Variants in CTNNA1 observed in about 807,000 individuals in gnomAD.
CTNNA1 encodes catenin alpha-1.
A neutral mutation model predicts 98.4 loss-of-function variants in CTNNA1; 37 were observed. The ratio of observed to expected loss-of-function variants is 0.38; its 90% CI spans 0.29 to 0.49. The LOEUF is 0.49. Among genes scored for constraint, CTNNA1 ranks in the 20% least tolerant of loss-of-function variants. The pLI, the probability that CTNNA1 is intolerant of heterozygous loss-of-function variation, is 0.95. For synonymous variants in CTNNA1, 404 were observed against 413.2 expected (o/e 0.98, Z 0.27); for missense variants, 761 against 1,147.2 (o/e 0.66, Z 4.86).
intron 1 of CTNNA1, among the ~76,000 whole-genome samples, chr5:138,767,098 G>A (rs1753018497): frequency 6.6e-6 from 1 of 151,832 alleles, no homozygotes; most frequent in Non-Finnish European, 1.5e-5. Context: ...GTGCAGTGGC[G>A]TGATCTTGGC....
At chr5:138,789,453 GT>G (rs1756103009) in intron 3 of CTNNA1, among the ~76,000 whole-genome samples, 4 of 152,008 alleles carry the variant, frequency 2.6e-5, no homozygotes, top group African/African-American at 9.7e-5. Context: ...GGCAGGAGAG[GT>G]TTTTGTTTTG....
At chr5:138,799,352 G>GT (rs1206950032) in intron 3 of CTNNA1, among the ~76,000 whole-genome samples, 2 of 152,142 alleles carry the variant, frequency 1.3e-5, no homozygotes, top group Non-Finnish European at 2.9e-5. Flanking sequence ...TAGAGATGGG[G>GT]TTTTGCCATG....
intron 1 of CTNNA1, among the ~76,000 whole-genome samples, chr5:138,774,930 A>T (rs914362191): frequency 2.6e-5 from 4 of 152,162 alleles, no homozygotes; most frequent in Admixed American, 6.5e-5. Flanking sequence ...TTTTAAGTTA[A>T]GAAGTAAGTG....
At chr5:138,799,557 G>A (rs1271570825) in intron 3 of CTNNA1, among the ~76,000 whole-genome samples, 2 of 151,766 alleles carry the variant, frequency 1.3e-5, no homozygotes, top group African/African-American at 2.4e-5. Flanking sequence ...AAGGTTTTGA[G>A]CATGGGTTCT....
chr5:138,840,914 T>C (rs557250396), intron 7 of CTNNA1, among the ~76,000 whole-genome samples: 15 of 152,308 alleles, frequency 9.8e-5, no homozygotes, highest in African/African-American at 3.6e-4. Context: ...TCATTAAATA[T>C]AGTTACATAA....
At chr5:138,841,087 C>G (rs1054868829) in intron 7 of CTNNA1, among the ~76,000 whole-genome samples, 2 of 152,070 alleles carry the variant, frequency 1.3e-5, no homozygotes, top group Non-Finnish European at 1.5e-5. Context: ...AGTCATAATG[C>G]CAACTTAGAA....
chr5:138,799,857 G>GATGGATGGATGT (rs151142176), intron 3 of CTNNA1, among the ~76,000 whole-genome samples: 1 of 149,132 alleles, frequency 6.7e-6, no homozygotes, highest in African/African-American at 2.5e-5. Context: ...AGTAGATGTA[G>GATGGATGGATGT]ATGTATGTAT....
chr5:138,863,798 T>C (rs930883527), intron 7 of CTNNA1, among the ~76,000 whole-genome samples: 2 of 152,100 alleles, frequency 1.3e-5, no homozygotes, highest in African/African-American at 4.8e-5. Context: ...GGAGACTAGG[T>C]TTTTAAAGAT....
intron 17 of CTNNA1, 110 bp from the exon 18 acceptor site, chr5:138,933,686 TGCCCAG>T: frequency 1.9e-6 from 2 of 1,078,104 alleles, no homozygotes; most frequent in East Asian, 2.6e-5. Flanking sequence ...CTCTGCGACC[TGCCCAG>T]GCCCTGGTCT....
chr5:138,876,091 C>G (rs1384113914), intron 7 of CTNNA1, among the ~76,000 whole-genome samples: 2 of 152,212 alleles, frequency 1.3e-5, no homozygotes, highest in Admixed American at 6.5e-5. Context: ...TTGATACAGT[C>G]ATTTTAATGC....
In CTNNA1 at chr5:138,908,134, C is replaced by T. The variant is rs903458957; in HGVS notation, c.1389+3693C>T. 4.6e-5 allele frequency among the ~76,000 whole-genome samples: 7 copies of T among 152,108 alleles called. No homozygotes were observed. In the East Asian group the frequency reaches 9.6e-4, roughly 21 times the overall value. On this transcript the variant is annotated intron_variant, in intron 10 of 17. Transcript: ENST00000302763. The stretch of plus-strand genomic sequence containing the variant: ...CCAGGACTACAGGTGCCTGCCACCA[C>T]GCCCGGCTAATTTTTGTATTTTTTA...
At position 138,930,637 on chromosome 5, in the gene CTNNA1, G is replaced by T; in HGVS notation, c.2175G>T (p.Glu725Asp). The T allele has an allele frequency of 6.2e-7, 1 of 1,613,288 alleles. No individual in the cohort carries two copies. The highest frequency in any genetic ancestry group is 8.5e-7 in the Non-Finnish European group (1 of 1,179,560). Residue 725 changes from glutamate (E) to aspartate (D), a missense_variant, in exon 15 of 18, where the codon GAG (glutamate) becomes GAT (aspartate). This residue lies in a region of CTNNA1 where 77 missense variants were observed against 198.8 expected (regional missense o/e 0.39). Transcript: ENST00000302763. ...AGCAGATGTGCATGATTATGATGGA[G>T]ATGACAGACTTTACCCGGTGAGCAG... ...LAKQMCMIMMEMTDFTRGKGP... is the reference protein window; with the variant it reads ...LAKQMCMIMMDMTDFTRGKGP...
intron 7 of CTNNA1, among the ~76,000 whole-genome samples, chr5:138,835,249 C>G (rs1024339478): frequency 6.6e-6 from 1 of 152,178 alleles, no homozygotes; most frequent in African/African-American, 2.4e-5. Context: ...TTAGCTTGGG[C>G]TCAGAGGCCT....
chr5:138,836,442 C>T (rs1229562987), intron 7 of CTNNA1, among the ~76,000 whole-genome samples: 3 of 152,204 alleles, frequency 2.0e-5, no homozygotes, highest in Admixed American at 2.0e-4. Flanking sequence ...ATCTTCATAA[C>T]TCTGAGAAAG....
In CTNNA1 at chr5:138,874,452, T is replaced by G; in HGVS notation, c.1063-11760T>G. ...AAGAGCAGCTTCTCGCAGCGGCATT[T>G]GGGTGGACACGCCATACCCAGGGCA... On this transcript the variant is annotated intron_variant, in intron 7 of 17. Transcript: ENST00000302763. This position sits in a 1 kb window ranked among gnomAD's most constrained non-coding sequence, Gnocchi z 4.1. The G allele has an allele frequency of 1.2e-6, 2 of 1,613,754 alleles. No homozygotes were observed. The highest frequency in any genetic ancestry group is 1.7e-6 in the Non-Finnish European group (2 of 1,179,790).
intron 3 of CTNNA1, 142 bp from the exon 4 acceptor site, chr5:138,809,896 C>A: frequency 8.3e-7 from 1 of 1,199,042 alleles, no homozygotes; most frequent in Non-Finnish European, 1.1e-6. Flanking sequence ...AAAGGAACAG[C>A]AAACAACAAC....
intron 1 of CTNNA1, among the ~76,000 whole-genome samples, chr5:138,776,622 C>G (rs890671858): frequency 1.3e-5 from 2 of 151,854 alleles, no homozygotes; most frequent in African/African-American, 2.4e-5. Flanking sequence ...TAGGAGCGGC[C>G]GGGCAGAGGC....
chr5:138,838,649 C>CTTAGGTTATTGACTTGAGACCT (rs1762008840), intron 7 of CTNNA1, among the ~76,000 whole-genome samples: 1 of 152,004 alleles, frequency 6.6e-6, no homozygotes, highest in Non-Finnish European at 1.5e-5. Flanking sequence ...GAGGTGAGAA[C>CTTAGGTTATTGACTTGAGACCT]TTAGGTTATT....
At chr5:138,771,847 C>T (rs1196562546) in intron 1 of CTNNA1, among the ~76,000 whole-genome samples, 1 of 152,046 alleles carries the variant, frequency 6.6e-6, no homozygotes, top group Non-Finnish European at 1.5e-5. Flanking sequence ...AACGTTGCTT[C>T]GGGTACTTTT....
Sources: allele counts gnomAD v4.1 joint callset (sites outside exome capture counted in the v4.1 genomes callset), GRCh38; gene constraint gnomAD v4.1.1; regional missense constraint gnomAD v4.1.1; non-coding constraint Gnocchi (gnomAD v3.1); transcripts MANE v1.5; gene names NCBI Gene and HGNC (gene_info 2026-07-23, HGNC 2026-07-21).